The following TMEM258 variants were observed in gnomAD, a reference collection of about 807,000 sequenced individuals.
TMEM258 encodes the protein transmembrane protein 258.
TMEM258 carries 11 observed loss-of-function variants against 9.9 expected under a neutral mutation model. The observed-to-expected ratio is 1.11, with a 90% CI of 0.70 to 1.85. TMEM258 has a LOEUF of 1.85. TMEM258 is among the 40% of genes most tolerant of loss of function. The probability of loss-of-function intolerance (pLI) is 0.00; values close to 1 mark genes in which losing one functional copy is unlikely to be tolerated. For missense variants in TMEM258, 81 were observed against 99.7 expected (o/e 0.81, Z 0.80); for synonymous variants, 40 against 39.1 (o/e 1.02, Z -0.09).
chr11:61,792,471 C>T (rs775878133), intron 1 of TMEM258, 85 bp downstream of exon 1: 1 of 1,590,902 alleles, frequency 6.3e-7, no homozygotes, highest in Non-Finnish European at 8.6e-7. Context: ...TCTGGATCTC[C>T]GGCGTCTGAG....
Position 61,789,813 on chromosome 11 carries a change from C to A in TMEM258, c.222G>T (p.Trp74Cys). ...TGGGTGCTCACACGTAGATGCCAAC[C>A]CAGAGCAGCAGGAAGAGGACTCCAA... ...MGFGVLFLLL[W>C]VGIYV Residue 74 changes from tryptophan (W) to cysteine (C), a missense_variant, in exon 3 of 4, where the codon TGG (tryptophan) becomes TGT (cysteine). Coordinates refer to ENST00000537328, the MANE Select transcript of TMEM258 (RefSeq NM_014206.4). 2 of 1,613,336 alleles carry A rather than the reference C, an allele frequency of 1.2e-6. No homozygotes were observed. Among genetic ancestry groups the A allele is most frequent in the Non-Finnish European group, 1.7e-6 (2 of 1,179,640 alleles).
chr11:61,789,388 T>A (rs2066763782), intron 3 of TMEM258, among the ~76,000 whole-genome samples, 153 bp from the exon 4 acceptor site: 1 of 152,164 alleles, frequency 6.6e-6, no homozygotes, highest in Admixed American at 6.5e-5. Flanking sequence ...TTTGGTGGAT[T>A]GTCTGCAGCA....
chr11:61,790,080 T>G, intron 2 of TMEM258, 159 bp from the exon 3 acceptor site: 3 of 852,072 alleles, frequency 3.5e-6, no homozygotes, highest in Non-Finnish European at 5.3e-6. Context: ...TGCCTTGGAC[T>G]CTGGTGCTCC....
At chr11:61,790,903 G>A (rs990722809) in intron 1 of TMEM258, among the ~76,000 whole-genome samples, 8 of 152,062 alleles carry the variant, frequency 5.3e-5, no homozygotes, top group African/African-American at 1.9e-4. Context: ...GAGAACCCCC[G>A]CTATAAGTCA....
intron 2 of TMEM258, chr11:61,790,176 C>T (rs2066772541): frequency 5.3e-6 from 3 of 569,776 alleles, no homozygotes; most frequent in Non-Finnish European, 9.3e-6. Context: ...TGGGACTAGC[C>T]CTCAGACCTC....
chr11:61,790,898 C>T (rs1370640130), intron 1 of TMEM258, among the ~76,000 whole-genome samples: 2 of 152,158 alleles, frequency 1.3e-5, no homozygotes, highest in South Asian at 2.1e-4. Flanking sequence ...AAGCTGAGAA[C>T]CCCCGCTATA....
At position 61,790,051 on chromosome 11, in the gene TMEM258, G is replaced by A. The variant is rs1439890469; in HGVS notation, c.114-130C>T. On this transcript the variant is annotated intron_variant, in intron 2 of 3. Coordinates refer to ENST00000537328, the MANE Select transcript of TMEM258 (RefSeq NM_014206.4). The stretch of plus-strand genomic sequence containing the variant: ...AGGCCTATCTGGCTCAGAGCAGCCA[G>A]GCAGAGGGGCCTAAGAGATGCCTTG... 3.4e-6 allele frequency: 4 copies of A among 1,165,066 alleles called. No individual in the cohort carries two copies. In the East Asian group the frequency reaches 7.8e-5, roughly 23 times the overall value. The allele number at this position is 1,165,066 out of a possible 1,614,324, so 72.2% of individuals were successfully genotyped here.
chr11:61,790,009 G>A (rs2066770738), intron 2 of TMEM258, 88 bp from the exon 3 acceptor site: 1 of 1,487,356 alleles, frequency 6.7e-7, no homozygotes, highest in Non-Finnish European at 9.0e-7. Context: ...AAAAGCATTG[G>A]CTCAATGCCT....
intron 1 of TMEM258, chr11:61,792,309 C>A: frequency 1.8e-6 from 1 of 559,636 alleles, no homozygotes; most frequent in South Asian, 2.1e-5. Flanking sequence ...CCACCGATAA[C>A]AGAGATATAC....
intron 3 of TMEM258, 93 bp downstream of exon 3, chr11:61,789,692 A>G: frequency 7.1e-7 from 1 of 1,408,800 alleles, no homozygotes; most frequent in Admixed American, 2.7e-5. Flanking sequence ...TCATGCTGGT[A>G]AGAGCTTTAA....
rs372668180 is a variant in TMEM258 at position 61,790,479 on chromosome 11, C to A, written c.113+14G>T. Reference sequence around the variant, plus strand: ...CACTAATGCTGGTCCTCTGGCTGCTCAGTGAAAGGATACACGAAGAACCAG... The same window carrying A: ...CACTAATGCTGGTCCTCTGGCTGCTAAGTGAAAGGATACACGAAGAACCAG... On this transcript the variant is annotated intron_variant, in intron 2 of 3. Transcript: ENST00000537328. 1.2e-6 allele frequency: 2 copies of A among 1,610,452 alleles called. No individual in the cohort carries two copies. The highest frequency in any genetic ancestry group is 1.7e-6 in the Non-Finnish European group (2 of 1,177,654).
rs2066791732 is a variant in TMEM258 at position 61,792,448 on chromosome 11, G to T, written c.3+108C>A. 5.3e-6 allele frequency: 8 copies of T among 1,511,952 alleles called. 1 individual carries two copies. The East Asian group carries it at 1.8e-4, about 34-fold the overall frequency. 93.7% of individuals were successfully genotyped at this position (1,511,952 alleles called of 1,614,324 possible). ...CTTCAGCCCAAGCCGGAGGTTCCAG[G>T]AGCGTCTAGCCCTCTGGATCTCCGG... On this transcript the variant is annotated intron_variant, in intron 1 of 3. Transcript: ENST00000537328.
Position 61,792,569 on chromosome 11 carries a change from G to A in TMEM258, c.-11C>T, listed in dbSNP as rs1433392662. 1.9e-6 allele frequency: 3 copies of A among 1,613,826 alleles called. No individual in the cohort carries two copies. The highest frequency in any genetic ancestry group is 1.6e-4 in the Middle Eastern group (1 of 6,062). ...CAACGCTCTCACCATTTTGCCCCGC[G>A]AAGGCTAATCCGCCGCTCCGCCACC... On this transcript the variant is annotated 5_prime_UTR_variant, in exon 1 of 4. Coordinates refer to ENST00000537328, the MANE Select transcript of TMEM258 (RefSeq NM_014206.4).
intron 1 of TMEM258, among the ~76,000 whole-genome samples, chr11:61,791,272 T>C (rs560152972): frequency 5.3e-5 from 8 of 151,248 alleles, no homozygotes; most frequent in Admixed American, 2.0e-4. Context: ...TTTTTTTTTT[T>C]CCAGACAGTC....
At position 61,790,543 on chromosome 11, in the gene TMEM258, C is replaced by T; in HGVS notation, c.63G>A (p.Leu21=). The T allele has an allele frequency of 1.9e-6, 3 of 1,614,124 alleles. No individual in the cohort carries two copies. Among genetic ancestry groups the T allele is most frequent in the Non-Finnish European group, 1.7e-6 (2 of 1,180,010 alleles). The change falls in exon 2 of 4, where the codon CTG becomes CTA. Residue 21 remains leucine, a synonymous_variant. Coordinates refer to ENST00000537328, the MANE Select transcript of TMEM258 (RefSeq NM_014206.4). ...SPVNPAVFPH[L]TVVLLAIGMF... ...TGCCAATGGCCAAAAGCACCACGGT[C>T]AGATGGGGGAAGACAGCTGGGTTCA...
Position 61,789,550 on chromosome 11 carries a change from G to A in TMEM258, c.*10+235C>T, listed in dbSNP as rs185351426. On this transcript the variant is annotated intron_variant, in intron 3 of 3. Coordinates refer to ENST00000537328, the MANE Select transcript of TMEM258 (RefSeq NM_014206.4). The stretch of plus-strand genomic sequence containing the variant: ...AGGTGGTACATCCCAAAGGCAGATC[G>A]AGGCCTTGGGCCATGTGAGCTCAGA... 9.2e-5 allele frequency among the ~76,000 whole-genome samples: 14 copies of A among 152,350 alleles called. No homozygotes were observed. In the East Asian group the frequency reaches 2.7e-3, roughly 29 times the overall value.
chr11:61,790,747 A>ATTAGCATT, intron 1 of TMEM258, 145 bp from the exon 2 acceptor site: 1 of 646,880 alleles, frequency 1.5e-6, no homozygotes. Context: ...AATGGCCCTT[A>ATTAGCATT]TTAGCATTTT....
rs781329920 is a variant in TMEM258, at chr11:61,792,526, T to C, written c.3+30A>G. ...TCAGACCCCGAGGGGTCCTCGCATC[T>C]CCGTCTGGAACTCCCCTCAACGCTC... On this transcript the variant is annotated intron_variant, in intron 1 of 3. Transcript: ENST00000537328. The C allele has an allele frequency of 8.1e-6, 13 of 1,613,804 alleles. No homozygotes were observed. The East Asian group carries it at 2.7e-4, about 33-fold the overall frequency.
chr11:61,789,733 T>C (rs2066768000), intron 3 of TMEM258, 52 bp downstream of exon 3: 2 of 1,554,782 alleles, frequency 1.3e-6, no homozygotes, highest in African/African-American at 2.7e-5. Flanking sequence ...TGGGGAGGCT[T>C]CCCTGGGCTG....
Sources: gnomAD v4.1 joint callset for allele counts (sites outside exome capture counted in the v4.1 genomes callset) on GRCh38, gnomAD v4.1.1 for gene constraint, MANE v1.5 for transcripts, NCBI Gene and HGNC (gene_info 2026-07-23, HGNC 2026-07-21) for gene names.